Variants in SLC24A2 observed in about 807,000 individuals in gnomAD.
SLC24A2 encodes the protein sodium/potassium/calcium exchanger 2.
In SLC24A2, 36 loss-of-function variants were observed where a neutral mutation model predicts 62.0. The ratio of observed to expected loss-of-function variants is 0.58; its 90% confidence interval spans 0.44 to 0.77. SLC24A2 has a LOEUF of 0.77. SLC24A2 is among the 30% of genes least tolerant of loss of function. The pLI is 0.00. For missense variants in SLC24A2, 846 were observed against 817.9 expected (o/e 1.03, Z -0.42); for synonymous variants, 358 against 294.0 (o/e 1.22, Z -2.23).
At chr9:19,527,110 G>A (rs935930487) in intron 9 of SLC24A2, among the ~76,000 whole-genome samples, 4 of 152,020 alleles carry the variant, frequency 2.6e-5, no homozygotes, top group Non-Finnish European at 4.4e-5. Flanking sequence ...CTATTCACAT[G>A]TTCTCAGTAT....
At chr9:20,041,796 C>T in the SLC24A2 span, among the ~76,000 whole-genome samples, 2 of 152,268 alleles carry the variant, frequency 1.3e-5, no homozygotes, top group Non-Finnish European at 2.9e-5. Flanking sequence ...CTAAGAAGCA[C>T]ATGCACAGAA....
the SLC24A2 span, among the ~76,000 whole-genome samples, chr9:19,962,218 T>C: frequency 1.3e-5 from 2 of 152,202 alleles, no homozygotes; most frequent in African/African-American, 4.8e-5. Flanking sequence ...GTTCCATTGA[T>C]CTATATCTCT....
chr9:20,234,198 A>G, the SLC24A2 span, among the ~76,000 whole-genome samples: 36 of 151,970 alleles, frequency 2.4e-4, no homozygotes, highest in Admixed American at 4.6e-4. Context: ...TCTGACAATT[A>G]TGTGTCTTGG....
chr9:20,129,504 TA>T, the SLC24A2 span, among the ~76,000 whole-genome samples: 1 of 152,062 alleles, frequency 6.6e-6, no homozygotes, highest in Non-Finnish European at 1.5e-5. Context: ...CTATTTACAA[TA>T]GCCAAAAGAT....
At chr9:20,096,565 T>A in the SLC24A2 span, among the ~76,000 whole-genome samples, 1 of 152,184 alleles carries the variant, frequency 6.6e-6, no homozygotes, top group Non-Finnish European at 1.5e-5. Flanking sequence ...ATCTTGGCAT[T>A]TTATCTCTGA....
chr9:20,228,045 C>T, the SLC24A2 span, among the ~76,000 whole-genome samples: 5 of 152,116 alleles, frequency 3.3e-5, no homozygotes, highest in Admixed American at 3.3e-4. Flanking sequence ...CCATTAAAAA[C>T]AGGTTCTATT....
chr9:19,789,064 G>C (rs1425055809), upstream of SLC24A2, among the ~76,000 whole-genome samples: 1 of 152,188 alleles, frequency 6.6e-6, no homozygotes, highest in Non-Finnish European at 1.5e-5. Flanking sequence ...GGCGCTCCGA[G>C]TCTGGCGCTG....
the SLC24A2 span, among the ~76,000 whole-genome samples, chr9:20,288,421 G>A: frequency 1.1e-4 from 16 of 151,990 alleles, no homozygotes; most frequent in East Asian, 3.9e-4. Context: ...CCGGGGGTGC[G>A]GGAGGTGGGG....
chr9:19,550,013 T>C (rs1834766315), intron 8 of SLC24A2, 124 bp downstream of exon 8: 1 of 905,280 alleles, frequency 1.1e-6, no homozygotes, highest in African/African-American at 1.6e-5. Context: ...ATTTATGGGG[T>C]ATATGTGAGA....
the SLC24A2 span, among the ~76,000 whole-genome samples, chr9:20,302,698 A>G: frequency 2.6e-5 from 4 of 152,092 alleles, no homozygotes; most frequent in Admixed American, 1.3e-4. Flanking sequence ...TCTCTTGACT[A>G]TGTCTTTCAC....
At chr9:19,544,510 G>T (rs1481212650) in intron 8 of SLC24A2, among the ~76,000 whole-genome samples, 1 of 152,042 alleles carries the variant, frequency 6.6e-6, no homozygotes, top group Non-Finnish European at 1.5e-5. Context: ...AGTTGATGTT[G>T]TTTCTTTATA....
At chr9:19,964,548 G>A in the SLC24A2 span, among the ~76,000 whole-genome samples, 1 of 152,184 alleles carries the variant, frequency 6.6e-6, no homozygotes, top group African/African-American at 2.4e-5. Flanking sequence ...AGGATACAGA[G>A]AGGAGATGGC....
At chr9:19,906,430 G>T in the SLC24A2 span, among the ~76,000 whole-genome samples, 1 of 151,286 alleles carries the variant, frequency 6.6e-6, no homozygotes, top group Non-Finnish European at 1.5e-5. Context: ...AGAGAAGCAA[G>T]AGCAAACACA....
At chr9:19,586,520 A>C (rs1836375172) in intron 5 of SLC24A2, among the ~76,000 whole-genome samples, 1 of 139,592 alleles carries the variant, frequency 7.2e-6, no homozygotes, top group African/African-American at 3.0e-5. Flanking sequence ...CTGCTTGATT[A>C]ATGCTGTGGT....
the SLC24A2 span, among the ~76,000 whole-genome samples, chr9:20,055,168 T>A: frequency 6.6e-6 from 1 of 152,304 alleles, no homozygotes; most frequent in South Asian, 2.1e-4. Context: ...CCTTGCTGCG[T>A]CAAGACTTTT....
the SLC24A2 span, among the ~76,000 whole-genome samples, chr9:20,187,191 A>G: frequency 3.3e-4 from 50 of 152,148 alleles, no homozygotes; most frequent in Admixed American, 2.9e-3. Flanking sequence ...GCACCATTCT[A>G]TAATGGAACA....
At chr9:19,945,157 G>T in the SLC24A2 span, among the ~76,000 whole-genome samples, 2 of 152,268 alleles carry the variant, frequency 1.3e-5, no homozygotes, top group East Asian at 3.9e-4. Context: ...TTAAAATCCA[G>T]ACTCGGCTGG....
At chr9:20,084,664 T>A in the SLC24A2 span, among the ~76,000 whole-genome samples, 2 of 152,120 alleles carry the variant, frequency 1.3e-5, no homozygotes. Context: ...GAAAGTAGTC[T>A]GGCTGTTCCC....
chr9:19,907,299 A>G, the SLC24A2 span, among the ~76,000 whole-genome samples: 1 of 152,346 alleles, frequency 6.6e-6, no homozygotes, highest in South Asian at 2.1e-4. Context: ...AAAACACTCA[A>G]TAAATTAGGT....
Sources: allele counts gnomAD v4.1 joint callset (sites outside exome capture counted in the v4.1 genomes callset), GRCh38; gene constraint gnomAD v4.1.1; transcripts MANE v1.5; gene names NCBI Gene and HGNC (gene_info 2026-07-23, HGNC 2026-07-21).